Variants in KIAA1586 observed in about 807,000 individuals in gnomAD.
The protein encoded by KIAA1586 is KIAA1586, also known as E3 SUMO-protein ligase KIAA1586.
KIAA1586 carries 5 observed loss-of-function variants against 6.1 expected under a neutral mutation model. The ratio of observed to expected loss-of-function variants is 0.82; its 90% CI spans 0.43 to 1.73. The LOEUF is 1.73. Among genes scored for constraint, KIAA1586 ranks in the 40% most tolerant of loss-of-function variants. The pLI, the probability that KIAA1586 is intolerant of heterozygous loss-of-function variation, is 0.02. For synonymous variants in KIAA1586, 280 were observed against 301.7 expected (o/e 0.93, Z 0.75); for missense variants, 899 against 878.2 (o/e 1.02, Z -0.30).
chr6:57,050,292 C>A (rs1828285802), intron 2 of KIAA1586, among the ~76,000 whole-genome samples: 2 of 143,396 alleles, frequency 1.4e-5, no homozygotes, highest in African/African-American at 5.2e-5. Context: ...ATTACGTATT[C>A]ATGTACTCTG....
At chr6:57,058,481 C>T (rs779355185), downstream of KIAA1586, among the ~76,000 whole-genome samples, 1 of 152,190 alleles carries the variant, frequency 6.6e-6, no homozygotes, top group Non-Finnish European at 1.5e-5. Context: ...ACAAAACTTA[C>T]TGTACTGTTA....
At chr6:57,051,696 G>A (rs1828329006) in intron 3 of KIAA1586, among the ~76,000 whole-genome samples, 2 of 152,126 alleles carry the variant, frequency 1.3e-5, no homozygotes, top group African/African-American at 4.8e-5. Flanking sequence ...CACTTTGGGA[G>A]GCCAAGGCTG....
At chr6:57,048,853 T>C (rs148407197) in intron 2 of KIAA1586, among the ~76,000 whole-genome samples, 105 of 152,304 alleles carry the variant, frequency 6.9e-4, no homozygotes, top group African/African-American at 1.9e-3. Flanking sequence ...GAAACACAGA[T>C]GGGATGTACA....
rs1318308781 is a variant in KIAA1586 at position 57,054,344 on chromosome 6, C to T, written c.1845C>T (p.Asn615=). 8.7e-6 allele frequency: 14 copies of T among 1,600,146 alleles called. No individual in the cohort carries two copies. Among genetic ancestry groups the T allele is most frequent in the Non-Finnish European group, 1.2e-5 (14 of 1,175,784 alleles). The part of the protein sequence containing the change: ...ILLDNIIQHM[N]LRLLSDRNHE... ...TAGACAATATAATTCAGCACATGAACCTACGCCTTTTATCTGACAGAAACC... is the reference window on the plus strand; with the variant it reads ...TAGACAATATAATTCAGCACATGAATCTACGCCTTTTATCTGACAGAAACC... Residue 615 remains asparagine (N), a synonymous_variant, in exon 4 of 4, where the codon AAC becomes AAT. Coordinates refer to ENST00000370733, the MANE Select transcript of KIAA1586 (RefSeq NM_020931.4).
the KIAA1586 span, among the ~76,000 whole-genome samples, chr6:57,062,138 C>A: frequency 1.3e-5 from 2 of 152,028 alleles, no homozygotes; most frequent in African/African-American, 4.8e-5. Flanking sequence ...ACCATGTTGC[C>A]CAGGCTGGTC....
At chr6:57,056,343 A>T (rs1032245264), downstream of KIAA1586, among the ~76,000 whole-genome samples, 1 of 152,060 alleles carries the variant, frequency 6.6e-6, no homozygotes, top group African/African-American at 2.4e-5. Flanking sequence ...AGTAGCTGGG[A>T]TTACAGGTGT....
chr6:57,057,230 A>G (rs77121788), downstream of KIAA1586, among the ~76,000 whole-genome samples: 3 of 145,050 alleles, frequency 2.1e-5, no homozygotes, highest in East Asian at 2.0e-4. Flanking sequence ...TTTGTCTCAG[A>G]AAAAAAAAAA....
At position 57,054,353 on chromosome 6, in the gene KIAA1586, TTTATC is replaced by T; in HGVS notation, c.1856_1860del (p.Leu619Ter). 2 of 1,604,036 alleles carry T rather than the reference TTTATC, an allele frequency of 1.2e-6. No individual in the cohort carries two copies. Among genetic ancestry groups the T allele is most frequent in the Non-Finnish European group, 1.7e-6 (2 of 1,176,950 alleles). On this transcript the variant is annotated frameshift_variant, in exon 4 of 4. Transcript: ENST00000370733. LOFTEE classifies it low-confidence loss of function (END_TRUNC). ...TAATTCAGCACATGAACCTACGCCT[TTTATC>T]TGACAGAAACCATGAAGATATTTTT...
rs978452414 is a variant in KIAA1586 at position 57,054,394 on chromosome 6, A to C, written c.1895A>C (p.Asp632Ala). 26 of 1,609,258 alleles carry C rather than the reference A, an allele frequency of 1.6e-5. No individual in the cohort carries two copies. Among genetic ancestry groups the C allele is most frequent in the Non-Finnish European group, 2.1e-5 (25 of 1,178,226 alleles). ...RNHEDIFNYF[D>A]LLEPSTWPYE... is the part of the protein sequence containing the mutation. Reference sequence around the variant, plus strand: ...CATGAAGATATTTTTAATTACTTTGATTTGCTGGAACCTTCCACATGGCCT... The same window carrying C: ...CATGAAGATATTTTTAATTACTTTGCTTTGCTGGAACCTTCCACATGGCCT... Residue 632 changes from aspartate to alanine, a missense_variant, in exon 4 of 4, where the codon GAT (aspartate) becomes GCT (alanine). By Grantham distance (126) the Asp-to-Ala change is moderately radical. Transcript: ENST00000370733.
chr6:57,064,496 A>C, the KIAA1586 span, among the ~76,000 whole-genome samples: 1 of 152,208 alleles, frequency 6.6e-6, no homozygotes, highest in Admixed American at 6.5e-5. Flanking sequence ...CTTCAATGAC[A>C]ACATTTTTCT....
chr6:57,055,002 A>G lies in KIAA1586; in HGVS notation c.*139A>G. 1 of 995,152 alleles carries G rather than the reference A, an allele frequency of 1.0e-6. No homozygotes were observed. 61.6% of individuals were successfully genotyped at this position (995,152 alleles called of 1,614,324 possible). A position where few individuals can be genotyped will look rare whatever the true frequency, so the allele number is the denominator to read the frequency against. On this transcript the variant is annotated 3_prime_UTR_variant, in exon 4 of 4. Coordinates refer to ENST00000370733, the MANE Select transcript of KIAA1586 (RefSeq NM_020931.4). Reference sequence around the variant, plus strand: ...TTTAAAAGGCGTTCTTTAAGAAGATAATCTTGAAGATTGGTTTTAGAAGCT... The same window carrying G: ...TTTAAAAGGCGTTCTTTAAGAAGATGATCTTGAAGATTGGTTTTAGAAGCT...
intron 2 of KIAA1586, among the ~76,000 whole-genome samples, chr6:57,048,675 G>C (rs143512458): frequency 6.6e-6 from 1 of 152,204 alleles, no homozygotes; most frequent in Non-Finnish European, 1.5e-5. Flanking sequence ...AATAATTTTG[G>C]TTTCCTCTTA....
chr6:57,063,453 T>TC, the KIAA1586 span, among the ~76,000 whole-genome samples: 816 of 138,046 alleles, frequency 5.9e-3, 9 homozygotes, highest in Middle Eastern at 0.014. Flanking sequence ...GTTATTTCTT[T>TC]TTTTTTTTTT....
the KIAA1586 span, among the ~76,000 whole-genome samples, chr6:57,061,276 A>G: frequency 1.3e-5 from 2 of 152,094 alleles, no homozygotes; most frequent in African/African-American, 4.8e-5. Context: ...GCGCCCGGCC[A>G]TGTTCCACCT....
intron 3 of KIAA1586, 150 bp from the exon 4 acceptor site, chr6:57,052,536 C>G (rs1828355377): frequency 1.9e-6 from 1 of 513,468 alleles, no homozygotes; most frequent in East Asian, 3.4e-5. Context: ...AATAGCAAGT[C>G]ATATTGATAT....
In KIAA1586 at chr6:57,054,494, A is replaced by G; in HGVS notation, c.1995A>G (p.Glu665=). 1 of 1,595,194 alleles carries G rather than the reference A, an allele frequency of 6.3e-7. No homozygotes were observed. The highest frequency in any genetic ancestry group is 8.5e-7 in the Non-Finnish European group (1 of 1,172,324). Residue 665 remains glutamate, a synonymous_variant, in exon 4 of 4, where the codon GAA becomes GAG. Transcript: ENST00000370733. ...ATTTGTGTAAAATTTTAAAATATGA[A>G]GTTGATTTGAATGATTTTCGGGAAT... ...LFHLCKILKY[E]VDLNDFREFV...
At chr6:57,061,474 C>T in the KIAA1586 span, among the ~76,000 whole-genome samples, 2 of 152,070 alleles carry the variant, frequency 1.3e-5, no homozygotes, top group Non-Finnish European at 2.9e-5. Context: ...CTCACTGCAG[C>T]ATTGAACTTC....
Position 57,053,406 on chromosome 6 carries a change from A to T in KIAA1586, c.907A>T (p.Ile303Leu). Reference sequence around the variant, plus strand: ...TATTGCAAAAGAAATGAAGATGAAGATATTTAAGAATATTATAGAAGAGAA... The same window carrying T: ...TATTGCAAAAGAAATGAAGATGAAGTTATTTAAGAATATTATAGAAGAGAA... ...EHIAKEMKMKIFKNIIEENAK... is the reference protein window; with the variant it reads ...EHIAKEMKMKLFKNIIEENAK... Residue 303 changes from isoleucine to leucine, a missense_variant, in exon 4 of 4, where the codon ATA becomes TTA. By Grantham distance (5) the Ile-to-Leu change is conservative (BLOSUM62 2). Transcript: ENST00000370733. 6.2e-7 allele frequency: 1 copy of T among 1,608,110 alleles called. No individual in the cohort carries two copies. Among genetic ancestry groups the T allele is most frequent in the South Asian group, 1.1e-5 (1 of 90,184 alleles).
chr6:57,063,450 C>CTTTTTTTTTTTTT, the KIAA1586 span, among the ~76,000 whole-genome samples: 1 of 102,566 alleles, frequency 9.7e-6, no homozygotes, highest in Non-Finnish European at 1.8e-5. Flanking sequence ...TATGTTATTT[C>CTTTTTTTTTTTTT]TTTTTTTTTT....
Sources: allele counts gnomAD v4.1 joint callset (sites outside exome capture counted in the v4.1 genomes callset), GRCh38; gene constraint gnomAD v4.1.1; transcripts MANE v1.5; gene names NCBI Gene and HGNC (gene_info 2026-07-23, HGNC 2026-07-21).